GSE1: variants seen among roughly 807,000 people sequenced by gnomAD.
The protein encoded by GSE1 is genetic suppressor element 1.
A neutral mutation model predicts 112.6 loss-of-function variants in GSE1; 32 were observed. The ratio of observed to expected loss-of-function variants is 0.28; its 90% CI spans 0.21 to 0.38. The LOEUF is 0.38. Among genes scored for constraint, GSE1 ranks in the 10% least tolerant of loss-of-function variants. The pLI is 1.00. For synonymous variants in GSE1, 1,115 were observed against 735.6 expected (o/e 1.52, Z -8.35); for missense variants, 2,348 against 1,699.2 (o/e 1.38, Z -6.71).
chr16:85,311,193 C>T lies in GSE1; in HGVS notation c.2284-46270C>T, dbSNP rs909778723. Among the ~76,000 whole-genome samples, 2 of 152,116 alleles carry T rather than the reference C, an allele frequency of 1.3e-5. No individual in the cohort carries two copies. Among genetic ancestry groups the T allele is most frequent in the African/African-American group, 2.4e-5 (1 of 41,426 alleles). On this transcript the variant is annotated intron_variant, in intron 1 of 2. Coordinates refer to the GSE1 transcript ENST00000637419. This position sits in a 1 kb window ranked among gnomAD's most constrained non-coding sequence, Gnocchi z 4.2. ...TCGGATGCCCCTGGTTCCCAGGGTG[C>T]CCCCAGCAGAAGAGCTGAGACTTGA...
At chr16:85,560,725 C>G (rs1182669995) in intron 1 of GSE1, among the ~76,000 whole-genome samples, 1 of 152,120 alleles carries the variant, frequency 6.6e-6, no homozygotes, top group Non-Finnish European at 1.5e-5. Flanking sequence ...CCTAGATCCC[C>G]CCTTTCCTGA....
At chr16:85,461,966 A>G (rs916680089) in intron 2 of GSE1, among the ~76,000 whole-genome samples, 1 of 152,054 alleles carries the variant, frequency 6.6e-6, no homozygotes, top group Non-Finnish European at 1.5e-5. Context: ...GCGGTGGAGG[A>G]GAAAGGCAGC....
chr16:85,647,785 C>T (rs1375935738), intron 2 of GSE1, among the ~76,000 whole-genome samples: 1 of 152,174 alleles, frequency 6.6e-6, no homozygotes, highest in African/African-American at 2.4e-5. Flanking sequence ...CAGGGTTTCA[C>T]CATGTTGGCC....
intron 2 of GSE1, among the ~76,000 whole-genome samples, chr16:85,475,024 G>A (rs944206382): frequency 6.6e-6 from 1 of 152,098 alleles, no homozygotes; most frequent in Admixed American, 6.5e-5. Context: ...GCGACCCCAT[G>A]TCCTCTGTGC....
At chr16:85,299,031 G>T (rs538801004) in intron 1 of GSE1, among the ~76,000 whole-genome samples, 1 of 152,340 alleles carries the variant, frequency 6.6e-6, no homozygotes, top group East Asian at 1.9e-4. Flanking sequence ...CAGGTGTGAG[G>T]ATGCTTCCTG....
chr16:85,618,851 A>G (rs963346165), intron 1 of GSE1, among the ~76,000 whole-genome samples: 2 of 152,228 alleles, frequency 1.3e-5, no homozygotes, highest in African/African-American at 2.4e-5. Context: ...TTGTGGAGAC[A>G]GGGTCTCTCA....
rs115119839 is a variant in GSE1, at chr16:85,500,136, A to G, written c.2465-133778A>G. Among the ~76,000 whole-genome samples the G allele has an allele frequency of 3.2e-3, 485 of 152,364 alleles. 3 individuals are homozygous for G. The highest frequency in any genetic ancestry group is 0.011 in the African/African-American group (450 of 41,586). ...GGCCCCCTCCATATCATCATCCCCA[A>G]TATTGCAAGAGCTAGAAAATAACCG... On this transcript the variant is annotated intron_variant, in intron 2 of 2. Coordinates refer to the GSE1 transcript ENST00000637419.
In GSE1 at chr16:85,373,838, G is replaced by A. The variant is rs552599304; in HGVS notation, c.2464+16195G>A. Among the ~76,000 whole-genome samples, 2 of 152,096 alleles carry A rather than the reference G, an allele frequency of 1.3e-5. No homozygotes were observed. The highest frequency in any genetic ancestry group is 2.4e-5 in the African/African-American group (1 of 41,406). On this transcript the variant is annotated intron_variant, in intron 2 of 2. Transcript: ENST00000637419. The surrounding 1 kb of genome is among the most constrained non-coding windows in gnomAD (Gnocchi z 5.1). ...GTGCTCCTGCCCCACGGTGCCCCACGGTTACCACCGCCACGGCAGGGCCAG... is the reference window on the plus strand; with the variant it reads ...GTGCTCCTGCCCCACGGTGCCCCACAGTTACCACCGCCACGGCAGGGCCAG...
intron 2 of GSE1, among the ~76,000 whole-genome samples, chr16:85,363,479 C>G (rs4238718): frequency 0.39 from 59,085 of 152,144 alleles, 11,672 homozygotes; most frequent in East Asian, 0.56. Flanking sequence ...CTTGCGTTCC[C>G]TATACATGGG....
chr16:85,668,206 C>A lies in GSE1; in HGVS notation c.3197C>A (p.Pro1066His). Residue 1066 changes from proline to histidine, a missense_variant, in exon 14 of 16, where the codon CCT becomes CAT. Physicochemically the swap from Pro to His is moderately conservative, Grantham distance 77. Transcript: ENST00000253458. ...KVDTSVHYNI[P>H]ELQSSSRAPP... Reference sequence around the variant, plus strand: ...GACACGTCCGTCCACTACAACATTCCTGAGCTGCAGTCCTCCAGCCGCGCC... The same window carrying A: ...GACACGTCCGTCCACTACAACATTCATGAGCTGCAGTCCTCCAGCCGCGCC... 1 of 1,611,004 alleles carries A rather than the reference C, an allele frequency of 6.2e-7. No homozygotes were observed. Among genetic ancestry groups the A allele is most frequent in the Non-Finnish European group, 8.5e-7 (1 of 1,177,320 alleles).
intron 1 of GSE1, among the ~76,000 whole-genome samples, chr16:85,575,446 C>G (rs2046189943): frequency 6.6e-6 from 1 of 152,186 alleles, no homozygotes; most frequent in African/African-American, 2.4e-5. Flanking sequence ...CGCTCTGGTG[C>G]TGTGTGCCCT....
chr16:85,668,238 C>T lies in GSE1; in HGVS notation c.3229C>T (p.Pro1077Ser), dbSNP rs755039382. The T allele has an allele frequency of 9.3e-6, 15 of 1,610,578 alleles. No homozygotes were observed. Among genetic ancestry groups the T allele is most frequent in the Non-Finnish European group, 1.2e-5 (14 of 1,176,898 alleles). Residue 1077 changes from proline (P) to serine (S), a missense_variant, in exon 14 of 16, where the codon CCC (proline) becomes TCC (serine). Transcript: ENST00000253458. ...GCAGTCCTCCAGCCGCGCCCCTCCA[C>T]CCCAGCACAATGGGCAGCAGGAGCC... ...ELQSSSRAPP[P>S]QHNGQQEPPT...
chr16:85,671,481 A>G (rs1368973270), intron 15 of GSE1, among the ~76,000 whole-genome samples: 1 of 149,272 alleles, frequency 6.7e-6, no homozygotes, highest in Admixed American at 6.7e-5. Context: ...ACTGCATGCA[A>G]TGGCTTACAC....
chr16:85,371,538 C>T (rs1022393093), intron 2 of GSE1, among the ~76,000 whole-genome samples: 14 of 152,286 alleles, frequency 9.2e-5, no homozygotes, highest in East Asian at 1.9e-4. Flanking sequence ...CAGGCGCAGG[C>T]GTTAGGATTC....
upstream of GSE1, chr16:85,613,162 G>C: frequency 4.4e-6 from 6 of 1,366,424 alleles, no homozygotes; most frequent in Non-Finnish European, 5.7e-6. Flanking sequence ...CTGAGGTCAG[G>C]GAGCCGGGAG....
chr16:85,425,155 C>T (rs1186753479), intron 2 of GSE1, among the ~76,000 whole-genome samples: 1 of 152,246 alleles, frequency 6.6e-6, no homozygotes, highest in Admixed American at 6.5e-5. Flanking sequence ...CCTGGCTGTC[C>T]CTGCATTGTC....
intron 2 of GSE1, among the ~76,000 whole-genome samples, chr16:85,642,255 G>A (rs2050505833): frequency 2.0e-5 from 3 of 152,260 alleles, no homozygotes; most frequent in African/African-American, 7.2e-5. Flanking sequence ...AGGCTGCAGT[G>A]AGGCATGATC....
chr16:85,417,652 G>A (rs1171832785), intron 2 of GSE1, among the ~76,000 whole-genome samples: 1 of 152,254 alleles, frequency 6.6e-6, no homozygotes, highest in East Asian at 1.9e-4. Context: ...GGTATGGAAG[G>A]CTGGGGCCCA....
At chr16:85,612,098 A>C (rs192771698), upstream of GSE1, among the ~76,000 whole-genome samples, 634 of 151,692 alleles carry the variant, frequency 4.2e-3, 6 homozygotes, top group African/African-American at 0.015. Context: ...ATGAGGAGGG[A>C]GCGACCCCGG....
Sources: gnomAD v4.1 joint callset for allele counts (sites outside exome capture counted in the v4.1 genomes callset) on GRCh38, gnomAD v4.1.1 for gene constraint, Gnocchi (gnomAD v3.1) non-coding constraint, MANE v1.5 for transcripts, NCBI Gene and HGNC (gene_info 2026-07-23, HGNC 2026-07-21) for gene names.